ATRNL1: variants seen among roughly 807,000 people sequenced by gnomAD.
ATRNL1 encodes the protein attractin-like protein 1.
In ATRNL1, 95 loss-of-function variants were observed where a neutral mutation model predicts 182.7. The ratio of observed to expected loss-of-function variants is 0.52; its 90% CI spans 0.44 to 0.62. The LOEUF (loss-of-function observed/expected upper bound fraction) is 0.62, where lower values mean the gene tolerates loss of function less well. ATRNL1 is among the 20% of genes least tolerant of loss of function. The pLI is 0.00. For missense variants in ATRNL1, 1,471 were observed against 1,679.5 expected, an observed-to-expected ratio of 0.88 and a Z score of 2.17; for synonymous variants, 576 against 568.3, an observed-to-expected ratio of 1.01 and a Z score of -0.19.
intron 27 of ATRNL1, among the ~76,000 whole-genome samples, chr10:115,820,707 C>T (rs1950273185): frequency 6.6e-6 from 1 of 152,048 alleles, no homozygotes; most frequent in South Asian, 2.1e-4. Flanking sequence ...GGTACAAAGT[C>T]GTGGTAAAGA....
At position 115,266,777 on chromosome 10, in the gene ATRNL1, T is replaced by C. The variant is rs539216839; in HGVS notation, c.1773-20T>C. On this transcript the variant is annotated intron_variant, in intron 11 of 28. Transcript: ENST00000355044. ...ACTTTTAATAGCGTTTCTTTAAGAT[T>C]CTTGTTTTGTTTTTAATAGGTCCAT... 6.9e-7 allele frequency: 1 copy of C among 1,454,930 alleles called. No individual in the cohort carries two copies. Among genetic ancestry groups the C allele is most frequent in the South Asian group, 1.3e-5 (1 of 77,352 alleles). The allele number at this position is 1,454,930 out of a possible 1,614,324, so 90.1% of individuals were successfully genotyped here. A position where few individuals can be genotyped will look rare whatever the true frequency, so the allele number is the denominator to read the frequency against.
At chr10:115,491,094 T>C (rs1353127941) in intron 24 of ATRNL1, among the ~76,000 whole-genome samples, 1 of 152,194 alleles carries the variant, frequency 6.6e-6, no homozygotes, top group Non-Finnish European at 1.5e-5. Context: ...TGCCTGTTCC[T>C]TTCTCAGCAA....
chr10:115,855,368 T>G (rs913119710), intron 28 of ATRNL1, among the ~76,000 whole-genome samples: 6 of 152,198 alleles, frequency 3.9e-5, no homozygotes, highest in African/African-American at 1.4e-4. Context: ...AAATGTGACC[T>G]CACTGTCTTG....
chr10:115,230,911 G>GAGAGAA (rs1849911337), intron 9 of ATRNL1, among the ~76,000 whole-genome samples: 2 of 112,028 alleles, frequency 1.8e-5, no homozygotes, highest in Non-Finnish European at 3.9e-5. Context: ...GAGAGAGAGA[G>GAGAGAA]AGAGAGAGAG....
chr10:115,262,401 G>T (rs1158805903), intron 10 of ATRNL1, among the ~76,000 whole-genome samples: 1 of 151,874 alleles, frequency 6.6e-6, no homozygotes, highest in Non-Finnish European at 1.5e-5. Context: ...TAAGTTTGAT[G>T]CTTACCAGAT....
intron 26 of ATRNL1, among the ~76,000 whole-genome samples, chr10:115,646,974 C>CCA (rs1859667284): frequency 7.8e-6 from 1 of 128,564 alleles, no homozygotes; most frequent in African/African-American, 2.9e-5. Context: ...ACAACAGGCC[C>CCA]TGGTGTGTGA....
chr10:115,404,444 A>G (rs1844724424), intron 20 of ATRNL1, among the ~76,000 whole-genome samples: 3 of 152,152 alleles, frequency 2.0e-5, no homozygotes, highest in Admixed American at 1.3e-4. Context: ...AATGGAGAGG[A>G]AGATGAGGAT....
At chr10:115,237,906 A>G (rs984002847) in intron 9 of ATRNL1, among the ~76,000 whole-genome samples, 13 of 152,336 alleles carry the variant, frequency 8.5e-5, no homozygotes, top group Non-Finnish European at 1.9e-4. Context: ...TAATTTTTGT[A>G]AAAGATGTAA....
chr10:115,897,635 ACTCTCGG>A (rs1952241164), intron 28 of ATRNL1, among the ~76,000 whole-genome samples: 1 of 152,016 alleles, frequency 6.6e-6, no homozygotes. Flanking sequence ...AGGGACAGGC[ACTCTCGG>A]CTCCAGCTAT....
chr10:115,906,918 G>T (rs1187109358), intron 28 of ATRNL1, among the ~76,000 whole-genome samples: 3 of 150,950 alleles, frequency 2.0e-5, no homozygotes, highest in Admixed American at 6.5e-5. Context: ...CCTGAGGTTG[G>T]TACAGGTTAT....
At chr10:115,629,176 A>C (rs933780445) in intron 26 of ATRNL1, among the ~76,000 whole-genome samples, 12 of 152,228 alleles carry the variant, frequency 7.9e-5, no homozygotes, top group Non-Finnish European at 1.8e-4. Flanking sequence ...AATTATGTAG[A>C]TAATATGTTG....
chr10:115,197,835 C>A (rs950653586), intron 8 of ATRNL1, among the ~76,000 whole-genome samples: 35 of 152,128 alleles, frequency 2.3e-4, no homozygotes, highest in African/African-American at 8.2e-4. Flanking sequence ...TAAGTGGGCT[C>A]ATAAAGTTCA....
chr10:115,098,110 C>T (rs797042553), intron 1 of ATRNL1, among the ~76,000 whole-genome samples: 35 of 152,078 alleles, frequency 2.3e-4, no homozygotes, highest in African/African-American at 7.7e-4. Context: ...TAATTTATAT[C>T]CATGGATTAT....
chr10:115,382,081 T>C (rs1858046408), intron 19 of ATRNL1, among the ~76,000 whole-genome samples: 1 of 152,200 alleles, frequency 6.6e-6, no homozygotes, highest in Non-Finnish European at 1.5e-5. Context: ...ACCAGTATTA[T>C]GTAGTTTTAA....
chr10:115,192,507 T>A (rs971427344), intron 8 of ATRNL1, among the ~76,000 whole-genome samples: 4 of 152,122 alleles, frequency 2.6e-5, no homozygotes, highest in African/African-American at 4.8e-5. Context: ...GGCTTTGTAA[T>A]ATAATTTCAA....
At chr10:115,310,338 G>T (rs2134000245) in intron 17 of ATRNL1, among the ~76,000 whole-genome samples, 1 of 152,094 alleles carries the variant, frequency 6.6e-6, no homozygotes, top group Non-Finnish European at 1.5e-5. Context: ...CTGTCAGTGT[G>T]ATACTGGCTT....
intron 27 of ATRNL1, among the ~76,000 whole-genome samples, chr10:115,812,978 T>A (rs1037466169): frequency 2.0e-5 from 3 of 152,158 alleles, no homozygotes; most frequent in Non-Finnish European, 2.9e-5. Context: ...GAAGAAAGTA[T>A]GCTAGAGAGT....
Position 115,315,078 on chromosome 10 carries a change from G to A in ATRNL1, c.2819-440G>A, listed in dbSNP as rs75678383. Among the ~76,000 whole-genome samples, 1,180 of 152,274 alleles carry A rather than the reference G, an allele frequency of 7.7e-3. 6 individuals carry two copies. Among genetic ancestry groups the A allele is most frequent in the Admixed American group, 0.013 (200 of 15,292 alleles). Reference sequence around the variant, plus strand: ...ATAGCCCAGCAATCTCAGGAAATGGGCAGACGTCACTTATACTGGATGTCC... The same window carrying A: ...ATAGCCCAGCAATCTCAGGAAATGGACAGACGTCACTTATACTGGATGTCC... On this transcript the variant is annotated intron_variant, in intron 17 of 28. Transcript: ENST00000355044.
chr10:115,936,294 T>C (rs1953556515), intron 28 of ATRNL1, among the ~76,000 whole-genome samples: 2 of 152,192 alleles, frequency 1.3e-5, no homozygotes, highest in Admixed American at 1.3e-4. Flanking sequence ...ATCCTCACGA[T>C]GACTTGGTCA....
Sources: gnomAD v4.1 joint callset for allele counts (sites outside exome capture counted in the v4.1 genomes callset) on GRCh38, gnomAD v4.1.1 for gene constraint, MANE v1.5 for transcripts, NCBI Gene and HGNC (gene_info 2026-07-23, HGNC 2026-07-21) for gene names.